The following TMEM150C variants were observed in gnomAD, a reference collection of about 807,000 sequenced individuals.
TMEM150C encodes tentonin 3.
In TMEM150C, 10 loss-of-function variants were observed where a neutral mutation model predicts 29.9. The ratio of observed to expected loss-of-function variants is 0.33; its 90% CI spans 0.21 to 0.57. The LOEUF (loss-of-function observed/expected upper bound fraction) is 0.57. Ranked by LOEUF, TMEM150C falls within the 20% of genes least tolerant of loss-of-function variation. The pLI, the probability that TMEM150C is intolerant of heterozygous loss-of-function variation, is 0.88. For missense variants in TMEM150C, 251 were observed against 303.6 expected (o/e 0.83, Z 1.29); for synonymous variants, 101 against 112.5 (o/e 0.90, Z 0.64).
In TMEM150C at chr4:82,485,061, A is replaced by G; in HGVS notation, c.*450T>C. 5.7e-6 allele frequency: 1 copy of G among 175,662 alleles called. No individual in the cohort carries two copies. The highest frequency in any genetic ancestry group is 1.2e-5 in the Non-Finnish European group (1 of 82,332). 10.9% of individuals were successfully genotyped at this position (175,662 alleles called of 1,614,324 possible). ...TTTCCGTCCTATTCTATGATACACTATTATCCACTCAAGAATATTAGTGCC... is the reference window on the plus strand; with the variant it reads ...TTTCCGTCCTATTCTATGATACACTGTTATCCACTCAAGAATATTAGTGCC... On this transcript the variant is annotated 3_prime_UTR_variant, in exon 8 of 8. Coordinates refer to ENST00000449862, the MANE Select transcript of TMEM150C (RefSeq NM_001080506.3).
chr4:82,525,531 T>G (rs1459302908), intron 1 of TMEM150C, among the ~76,000 whole-genome samples: 2 of 152,226 alleles, frequency 1.3e-5, no homozygotes, highest in African/African-American at 2.4e-5. Flanking sequence ...GAAAGGGGGA[T>G]AGAATAGCTC....
chr4:82,495,918 G>C lies in TMEM150C; in HGVS notation c.363+150C>G, dbSNP rs1035178081. 16 of 959,170 alleles carry C rather than the reference G, an allele frequency of 1.7e-5. No homozygotes were observed. The African/African-American group carries it at 2.0e-4, about 12-fold the overall frequency. 59.4% of individuals were successfully genotyped at this position (959,170 alleles called of 1,614,324 possible). ...TCTTGAAGCAGCTGAACAGCTCCGA[G>C]TTGCCATGGAAAAGAGTCCTAGTTT... On this transcript the variant is annotated intron_variant, in intron 6 of 7. Coordinates refer to ENST00000449862, the MANE Select transcript of TMEM150C (RefSeq NM_001080506.3).
At chr4:82,561,528 G>A (rs1725926522) in intron 1 of TMEM150C, among the ~76,000 whole-genome samples, 1 of 151,662 alleles carries the variant, frequency 6.6e-6, no homozygotes. Context: ...GGCGGCGGGT[G>A]GGGACACCTG....
At chr4:82,550,152 C>T (rs1377498723) in intron 1 of TMEM150C, among the ~76,000 whole-genome samples, 1 of 152,084 alleles carries the variant, frequency 6.6e-6, no homozygotes, top group Non-Finnish European at 1.5e-5. Context: ...GGGCAGTTTC[C>T]CCATGCTGTT....
chr4:82,505,128 G>C (rs547603794), intron 1 of TMEM150C, among the ~76,000 whole-genome samples: 55 of 152,312 alleles, frequency 3.6e-4, no homozygotes, highest in African/African-American at 1.3e-3. Context: ...ACTCATGTGG[G>C]AAATCCCTGA....
intron 1 of TMEM150C, among the ~76,000 whole-genome samples, chr4:82,523,622 G>A (rs193286429): frequency 6.6e-6 from 1 of 152,144 alleles, no homozygotes; most frequent in African/African-American, 2.4e-5. Flanking sequence ...TTTAAAAAAT[G>A]AAAACTTCCC....
At chr4:82,492,238 C>T (rs529406843) in intron 6 of TMEM150C, among the ~76,000 whole-genome samples, 2 of 152,286 alleles carry the variant, frequency 1.3e-5, no homozygotes, top group East Asian at 3.9e-4. Flanking sequence ...AAGCGATTCT[C>T]ATGTCTCAGC....
chr4:82,508,005 C>T (rs954996318), intron 1 of TMEM150C, among the ~76,000 whole-genome samples: 2 of 152,094 alleles, frequency 1.3e-5, no homozygotes, highest in Non-Finnish European at 2.9e-5. Flanking sequence ...ACGTGAGCCA[C>T]TGCCATGGGC....
At chr4:82,500,281 G>A (rs1309718623) in intron 5 of TMEM150C, among the ~76,000 whole-genome samples, 2 of 152,216 alleles carry the variant, frequency 1.3e-5, no homozygotes, top group Non-Finnish European at 2.9e-5. Context: ...CTAATAGGCG[G>A]TGTGGGTTAT....
intron 1 of TMEM150C, among the ~76,000 whole-genome samples, chr4:82,520,357 T>G (rs565838206): frequency 3.9e-5 from 6 of 152,342 alleles, no homozygotes; most frequent in African/African-American, 1.2e-4. Context: ...CTCCCAGTCT[T>G]GCTCCCCAAA....
intron 1 of TMEM150C, among the ~76,000 whole-genome samples, chr4:82,518,264 C>T (rs567296733): frequency 4.6e-5 from 7 of 151,608 alleles, no homozygotes; most frequent in Admixed American, 2.0e-4. Context: ...TGAAGTGAGC[C>T]GAGATCAAGC....
At chr4:82,506,722 T>C (rs1329056359) in intron 1 of TMEM150C, among the ~76,000 whole-genome samples, 2 of 152,248 alleles carry the variant, frequency 1.3e-5, no homozygotes, top group Admixed American at 6.5e-5. Flanking sequence ...TACACAGTAT[T>C]GCTAGTGAGT....
intron 1 of TMEM150C, among the ~76,000 whole-genome samples, chr4:82,546,058 C>T (rs1725376510): frequency 6.6e-6 from 1 of 152,052 alleles, no homozygotes; most frequent in South Asian, 2.1e-4. Context: ...ATAAGGAGAA[C>T]TACAAAATAC....
intron 1 of TMEM150C, among the ~76,000 whole-genome samples, chr4:82,534,444 A>G (rs748879582): frequency 6.6e-6 from 1 of 152,242 alleles, no homozygotes; most frequent in Non-Finnish European, 1.5e-5. Context: ...TAGAAGATAT[A>G]ATAGAAAAAA....
Position 82,485,320 on chromosome 4 carries a change from G to C in TMEM150C, c.*191C>G. ...TTTTCAGTGTAACAGCGTGTATTTCGACACATAAGGGCTTGTGCTTTTTCA... is the reference window on the plus strand; with the variant it reads ...TTTTCAGTGTAACAGCGTGTATTTCCACACATAAGGGCTTGTGCTTTTTCA... On this transcript the variant is annotated 3_prime_UTR_variant, in exon 8 of 8. Coordinates refer to ENST00000449862, the MANE Select transcript of TMEM150C (RefSeq NM_001080506.3). The C allele has an allele frequency of 1.7e-6, 1 of 583,732 alleles. No individual in the cohort carries two copies. Among genetic ancestry groups the C allele is most frequent in the Non-Finnish European group, 3.1e-6 (1 of 326,878 alleles). 36.2% of individuals were successfully genotyped at this position (583,732 alleles called of 1,614,324 possible).
At chr4:82,505,390 T>C (rs1206339897) in intron 1 of TMEM150C, among the ~76,000 whole-genome samples, 3 of 152,178 alleles carry the variant, frequency 2.0e-5, no homozygotes, top group Non-Finnish European at 4.4e-5. Flanking sequence ...TAAGTATTGA[T>C]ACATTTAAGA....
chr4:82,533,825 G>A (rs979341077), intron 1 of TMEM150C, among the ~76,000 whole-genome samples: 4 of 152,128 alleles, frequency 2.6e-5, no homozygotes, highest in African/African-American at 7.2e-5. Context: ...AATGTTATCC[G>A]CACAATGAAA....
chr4:82,531,063 G>A (rs1476309379), intron 1 of TMEM150C, among the ~76,000 whole-genome samples: 2 of 152,122 alleles, frequency 1.3e-5, no homozygotes, highest in African/African-American at 4.8e-5. Context: ...GATTTGGGTG[G>A]CGACACAGAT....
intron 1 of TMEM150C, among the ~76,000 whole-genome samples, chr4:82,533,734 T>A (rs1290448503): frequency 6.6e-6 from 1 of 152,092 alleles, no homozygotes; most frequent in Non-Finnish European, 1.5e-5. Flanking sequence ...GTTTAAGGAG[T>A]AGTTAAGCTA....
Sources: allele counts gnomAD v4.1 joint callset (sites outside exome capture counted in the v4.1 genomes callset), GRCh38; gene constraint gnomAD v4.1.1; transcripts MANE v1.5; gene names NCBI Gene and HGNC (gene_info 2026-07-23, HGNC 2026-07-21).